Variants in CNTNAP2 observed in about 807,000 individuals in gnomAD.
The protein encoded by CNTNAP2 is contactin-associated protein-like 2.
A neutral mutation model predicts 155.2 loss-of-function variants in CNTNAP2; 98 were observed. The ratio of observed to expected loss-of-function variants is 0.63; its 90% CI spans 0.54 to 0.75. CNTNAP2 has a LOEUF of 0.75. Ranked by LOEUF, CNTNAP2 falls within the 30% of genes least tolerant of loss-of-function variation. The pLI is 0.00. For missense variants in CNTNAP2, 1,727 were observed against 1,688.1 expected (o/e 1.02, Z -0.40); for synonymous variants, 651 against 631.2 (o/e 1.03, Z -0.47).
intron 1 of CNTNAP2, among the ~76,000 whole-genome samples, chr7:146,461,662 G>T (rs1032225714): frequency 6.6e-6 from 1 of 152,124 alleles, no homozygotes; most frequent in Non-Finnish European, 1.5e-5. Context: ...AGAATCAGAC[G>T]TTGGTCCCTT....
At chr7:148,271,504 G>A (rs572538016) in intron 21 of CNTNAP2, among the ~76,000 whole-genome samples, 1 of 152,396 alleles carries the variant, frequency 6.6e-6, no homozygotes, top group South Asian at 2.1e-4. Flanking sequence ...AGTCAGCGGT[G>A]ACGCTGAGAT....
At chr7:147,477,349 G>C (rs1205017879) in intron 10 of CNTNAP2, among the ~76,000 whole-genome samples, 1 of 152,126 alleles carries the variant, frequency 6.6e-6, no homozygotes, top group African/African-American at 2.4e-5. Flanking sequence ...TCTACACACA[G>C]AATATCTGAG....
intron 3 of CNTNAP2, among the ~76,000 whole-genome samples, chr7:147,004,379 AT>A (rs1471871004): frequency 1.3e-5 from 2 of 151,964 alleles, no homozygotes; most frequent in African/African-American, 4.8e-5. Flanking sequence ...CCAGAAAATA[AT>A]TGACCTTGTA....
At chr7:147,616,920 T>G (rs1472719139) in intron 12 of CNTNAP2, among the ~76,000 whole-genome samples, 2 of 152,164 alleles carry the variant, frequency 1.3e-5, no homozygotes, top group Non-Finnish European at 2.9e-5. Context: ...AGAAATGATT[T>G]TTAAAATATG....
intron 8 of CNTNAP2, among the ~76,000 whole-genome samples, chr7:147,287,276 C>T (rs1805201081): frequency 1.3e-5 from 2 of 151,992 alleles, no homozygotes. Context: ...GATCCACCAT[C>T]CCCCGGGAGA....
At chr7:147,791,441 GTCTC>G (rs201629517) in intron 13 of CNTNAP2, among the ~76,000 whole-genome samples, 5 of 140,850 alleles carry the variant, frequency 3.5e-5, no homozygotes, top group South Asian at 2.2e-4. Flanking sequence ...TCTGTTTGCT[GTCTC>G]TCTCTCTCTT....
chr7:146,204,684 C>T (rs1397792571), intron 1 of CNTNAP2, among the ~76,000 whole-genome samples: 1 of 151,826 alleles, frequency 6.6e-6, no homozygotes, highest in East Asian at 1.9e-4. Flanking sequence ...AGAGTTAAAA[C>T]ATCTTAGATA....
chr7:147,052,282 GGGA>G (rs1375063016), intron 4 of CNTNAP2, among the ~76,000 whole-genome samples: 4 of 152,234 alleles, frequency 2.6e-5, no homozygotes, highest in African/African-American at 9.6e-5. Context: ...GCAAGATACT[GGGA>G]GGAGGAGACA....
At chr7:148,177,142 C>T (rs1794950723) in intron 18 of CNTNAP2, among the ~76,000 whole-genome samples, 1 of 152,114 alleles carries the variant, frequency 6.6e-6, no homozygotes, top group Non-Finnish European at 1.5e-5. Flanking sequence ...GGTTGAATGC[C>T]ATAGTAGATT....
At chr7:146,732,962 A>G (rs1019534357) in intron 1 of CNTNAP2, among the ~76,000 whole-genome samples, 2 of 152,132 alleles carry the variant, frequency 1.3e-5, no homozygotes, top group Non-Finnish European at 2.9e-5. Context: ...ATTCCCAAGG[A>G]TACAGGGTGA....
At chr7:148,401,354 A>G (rs1463181267) in intron 22 of CNTNAP2, among the ~76,000 whole-genome samples, 1 of 152,224 alleles carries the variant, frequency 6.6e-6, no homozygotes, top group African/African-American at 2.4e-5. Flanking sequence ...AGGTTGTGGA[A>G]CTACAGAATC....
At chr7:147,431,516 T>A (rs1400061754) in intron 10 of CNTNAP2, among the ~76,000 whole-genome samples, 1 of 152,174 alleles carries the variant, frequency 6.6e-6, no homozygotes, top group African/African-American at 2.4e-5. Context: ...CTCTTTACAA[T>A]AAAGACTTGT....
At chr7:146,777,180 G>A (rs903480173) in intron 2 of CNTNAP2, among the ~76,000 whole-genome samples, 2 of 129,056 alleles carry the variant, frequency 1.5e-5, no homozygotes, top group Admixed American at 1.5e-4. Context: ...GGGAAAGAAA[G>A]TGTTGTCTGT....
At chr7:146,653,230 C>G (rs1799945318) in intron 1 of CNTNAP2, among the ~76,000 whole-genome samples, 1 of 152,120 alleles carries the variant, frequency 6.6e-6, no homozygotes, top group South Asian at 2.1e-4. Flanking sequence ...GTGTTGCCAG[C>G]TCCTGATTCC....
rs918319468 is a variant in CNTNAP2, at chr7:147,176,675, T to C, written c.1348+44166T>C. 2.7e-4 allele frequency among the ~76,000 whole-genome samples: 36 copies of C among 134,356 alleles called. No homozygotes were observed. In the East Asian group the frequency reaches 4.3e-3, roughly 16 times the overall value. 88.1% of individuals were successfully genotyped at this position (134,356 alleles called of 152,430 possible). A position where few individuals can be genotyped will look rare whatever the true frequency, so the allele number is the denominator to read the frequency against. On this transcript the variant is annotated intron_variant, in intron 8 of 23. Transcript: ENST00000361727. Reference sequence around the variant, plus strand: ...TATAATAGAATTATATTCTGTATTTTATATAATATATAATAGAATTATATA... The same window carrying C: ...TATAATAGAATTATATTCTGTATTTCATATAATATATAATAGAATTATATA...
At chr7:146,236,518 T>G (rs536694831) in intron 1 of CNTNAP2, among the ~76,000 whole-genome samples, 1 of 152,326 alleles carries the variant, frequency 6.6e-6, no homozygotes, top group South Asian at 2.1e-4. Flanking sequence ...TTGTTTATTC[T>G]TTTAGAAAAA....
At chr7:146,153,481 G>C (rs1418996830) in intron 1 of CNTNAP2, among the ~76,000 whole-genome samples, 1 of 152,114 alleles carries the variant, frequency 6.6e-6, no homozygotes, top group African/African-American at 2.4e-5. Flanking sequence ...AAAATCTTTT[G>C]CACGGCTGTT....
intron 13 of CNTNAP2, among the ~76,000 whole-genome samples, chr7:147,901,740 C>T (rs2116748385): frequency 6.6e-6 from 1 of 152,250 alleles, no homozygotes; most frequent in South Asian, 2.1e-4. Context: ...CCCCCACTCT[C>T]CTCTGTGTTC....
chr7:146,204,772 A>G (rs1213331854), intron 1 of CNTNAP2, among the ~76,000 whole-genome samples: 1 of 152,060 alleles, frequency 6.6e-6, no homozygotes, highest in African/African-American at 2.4e-5. Flanking sequence ...ACAACTGATT[A>G]TTGTATATAA....
Sources: gnomAD v4.1 joint callset for allele counts (sites outside exome capture counted in the v4.1 genomes callset) on GRCh38, gnomAD v4.1.1 for gene constraint, MANE v1.5 for transcripts, NCBI Gene and HGNC (gene_info 2026-07-23, HGNC 2026-07-21) for gene names.